The following KIF5C variants were observed in gnomAD, a reference collection of about 807,000 sequenced individuals.
KIF5C encodes kinesin family member 5C, also known as kinesin heavy chain isoform 5C.
Under a neutral mutation model 125.2 loss-of-function variants are expected in KIF5C, and 18 were observed. The ratio of observed to expected loss-of-function variants is 0.14; its 90% CI spans 0.10 to 0.21. KIF5C has a LOEUF of 0.21. Among genes scored for constraint, KIF5C ranks in the 10% least tolerant of loss-of-function variants. The pLI, the probability that KIF5C is intolerant of heterozygous loss-of-function variation, is 1.00. For synonymous variants in KIF5C, 405 were observed against 434.0 expected, an observed-to-expected ratio of 0.93 and a Z score of 0.83; for missense variants, 780 against 1,183.8, an observed-to-expected ratio of 0.66 and a Z score of 5.01.
Position 148,875,575 on chromosome 2 carries a change from G to GCCCCCCCCCCATCCCCCTGCCC in KIF5C, c.-37_-36insCCCCATCCCCCTGCCCCCCCCC. On this transcript the variant is annotated 5_prime_UTR_variant, in exon 1 of 26. Coordinates refer to ENST00000435030, the MANE Select transcript of KIF5C (RefSeq NM_004522.3). ...TCCTCCCTCGTCGTTCCCGGCCCCG[G>GCCCCCCCCCCATCCCCCTGCCC]CCCCCCACCCATCCCCGTGCCCCCT... 1.4e-6 allele frequency: 1 copy of GCCCCCCCCCCATCCCCCTGCCC among 699,606 alleles called. No homozygotes were observed. The highest frequency in any genetic ancestry group is 2.2e-5 in the Admixed American group (1 of 46,070). 43.3% of individuals were successfully genotyped at this position (699,606 alleles called of 1,614,324 possible).
At chr2:148,898,107 G>A (rs150971699) in intron 1 of KIF5C, among the ~76,000 whole-genome samples, 114 of 152,088 alleles carry the variant, frequency 7.5e-4, no homozygotes, top group African/African-American at 2.7e-3. Context: ...GTAGATCACT[G>A]TGGGAAGTCC....
At chr2:148,888,038 C>A (rs1353383170) in intron 1 of KIF5C, among the ~76,000 whole-genome samples, 2 of 152,202 alleles carry the variant, frequency 1.3e-5, no homozygotes, top group African/African-American at 2.4e-5. Flanking sequence ...AAGCCATTTG[C>A]GGCAGCGGGT....
At chr2:148,962,813 T>C (rs1330405430) in intron 11 of KIF5C, among the ~76,000 whole-genome samples, 1 of 152,206 alleles carries the variant, frequency 6.6e-6, no homozygotes, top group African/African-American at 2.4e-5. Flanking sequence ...AAATGAAAAA[T>C]GTCATTCTCT....
intron 11 of KIF5C, among the ~76,000 whole-genome samples, chr2:148,964,024 CCAG>C (rs1230162088): frequency 6.6e-6 from 1 of 152,122 alleles, no homozygotes; most frequent in African/African-American, 2.4e-5. Context: ...CTGTTTTCTC[CCAG>C]CTCTTTGGGT....
rs1682626906 is a variant in KIF5C at position 149,024,451 on chromosome 2, A to G, written c.*1381A>G. On this transcript the variant is annotated 3_prime_UTR_variant, in exon 26 of 26. Coordinates refer to ENST00000435030, the MANE Select transcript of KIF5C (RefSeq NM_004522.3). ...GTGCCCTGAAGCTTTCACCACTGTAATGAAATATATGCCAGGGGAGACTTT... is the reference window on the plus strand; with the variant it reads ...GTGCCCTGAAGCTTTCACCACTGTAGTGAAATATATGCCAGGGGAGACTTT... 1 of 151,756 alleles carries G rather than the reference A, an allele frequency of 6.6e-6. No individual in the cohort carries two copies. The highest frequency in any genetic ancestry group is 2.4e-5 in the African/African-American group (1 of 41,144). The allele number at this position is 151,756 out of a possible 1,614,324, so 9.4% of individuals were successfully genotyped here. A position where few individuals can be genotyped will look rare whatever the true frequency, so the allele number is the denominator to read the frequency against.
chr2:148,978,866 G>C (rs1681151569), intron 12 of KIF5C, 56 bp from the exon 13 acceptor site: 1 of 1,536,626 alleles, frequency 6.5e-7, no homozygotes, highest in Non-Finnish European at 8.8e-7. Flanking sequence ...CTGGGAGACT[G>C]GGATATCAAA....
intron 13 of KIF5C, among the ~76,000 whole-genome samples, chr2:148,980,694 A>C (rs1033186542): frequency 5.0e-5 from 7 of 139,856 alleles, no homozygotes; most frequent in Admixed American, 1.4e-4. Flanking sequence ...TTATTTATTT[A>C]TTTATTTATT....
chr2:148,970,506 G>A (rs928486180), intron 11 of KIF5C, among the ~76,000 whole-genome samples: 1 of 152,214 alleles, frequency 6.6e-6, no homozygotes, highest in African/African-American at 2.4e-5. Flanking sequence ...ATGGGCTTGT[G>A]ATTAATGAGA....
At chr2:148,926,921 T>C (rs1682024025) in intron 2 of KIF5C, among the ~76,000 whole-genome samples, 1 of 152,150 alleles carries the variant, frequency 6.6e-6, no homozygotes, top group African/African-American at 2.4e-5. Context: ...AGGGCCGTGA[T>C]TGTAAATACT....
chr2:148,901,926 A>G (rs1368116004), intron 1 of KIF5C, among the ~76,000 whole-genome samples: 3 of 152,234 alleles, frequency 2.0e-5, no homozygotes, highest in Admixed American at 2.0e-4. Context: ...TGCAGAGGCC[A>G]GAACACTGGA....
intron 21 of KIF5C, among the ~76,000 whole-genome samples, chr2:149,003,735 G>T (rs1010037185): frequency 9.2e-5 from 14 of 152,202 alleles, no homozygotes; most frequent in African/African-American, 3.1e-4. Context: ...ACTGTTTATT[G>T]TTGAATCTCC....
chr2:148,930,924 C>T (rs897375827), intron 3 of KIF5C, among the ~76,000 whole-genome samples: 1 of 152,154 alleles, frequency 6.6e-6, no homozygotes, highest in African/African-American at 2.4e-5. Flanking sequence ...GGCCCCTCGC[C>T]TTTCCCTCTC....
At chr2:148,952,832 C>T (rs540361328) in intron 10 of KIF5C, among the ~76,000 whole-genome samples, 53 of 152,276 alleles carry the variant, frequency 3.5e-4, no homozygotes, top group African/African-American at 1.3e-3. Context: ...GGCAGGCTAT[C>T]GGTGATTGCA....
At position 149,024,662 on chromosome 2, in the gene KIF5C, A is replaced by G. The variant is rs1682639458; in HGVS notation, c.*1592A>G. ...CTGCTTTGACTTAATTTATTTGTTA[A>G]ATGTTGCACTTTGTTTATGTATGTT... On this transcript the variant is annotated 3_prime_UTR_variant, in exon 26 of 26. Coordinates refer to ENST00000435030, the MANE Select transcript of KIF5C (RefSeq NM_004522.3). The G allele has an allele frequency of 6.6e-6, 1 of 152,378 alleles. No individual in the cohort carries two copies. The highest frequency in any genetic ancestry group is 2.4e-5 in the African/African-American group (1 of 41,348). The allele number at this position is 152,378 out of a possible 1,614,324, so 9.4% of individuals were successfully genotyped here. A position where few individuals can be genotyped will look rare whatever the true frequency, so the allele number is the denominator to read the frequency against.
At position 149,005,545 on chromosome 2, in the gene KIF5C, T is replaced by TG; in HGVS notation, c.2445+82dup. ...AATCATTTTCAGTTGAAATATCACT[T>TG]GCTTAAGTCGGGGCTGGTTATGCTT... On this transcript the variant is annotated intron_variant, in intron 22 of 25. Coordinates refer to ENST00000435030, the MANE Select transcript of KIF5C (RefSeq NM_004522.3). The TG allele has an allele frequency of 3.8e-6, 6 of 1,563,192 alleles. 1 individual carries two copies. In the South Asian group the frequency reaches 7.0e-5, roughly 18 times the overall value.
intron 16 of KIF5C, among the ~76,000 whole-genome samples, chr2:148,993,917 GTGGTGGGGTGGTGA>G (rs1681596417): frequency 6.6e-6 from 1 of 152,158 alleles, no homozygotes; most frequent in Non-Finnish European, 1.5e-5. Flanking sequence ...TGTGTGGCAT[GTGGTGGGGTGGTGA>G]TGGTGGGGAG....
intron 18 of KIF5C, chr2:148,997,819 T>C (rs1222853032): frequency 6.1e-6 from 1 of 163,762 alleles, no homozygotes. Flanking sequence ...GGATTTTGAT[T>C]AGTTGTAGGC....
chr2:148,916,666 C>T (rs1237831462), intron 1 of KIF5C, among the ~76,000 whole-genome samples: 1 of 151,848 alleles, frequency 6.6e-6, no homozygotes, highest in Admixed American at 6.6e-5. Flanking sequence ...CAGAATGACA[C>T]TGACCACATC....
Position 148,949,833 on chromosome 2 carries a change from T to G in KIF5C, c.715-6T>G. The G allele has an allele frequency of 6.2e-7, 1 of 1,613,512 alleles. No homozygotes were observed. Among genetic ancestry groups the G allele is most frequent in the South Asian group, 1.1e-5 (1 of 90,874 alleles). ...GCTGCTCACTGCTTTCTTTTCTCTC[T>G]GGTAGGTCAGCAAAACTGGTGCCGA... On this transcript the variant is annotated splice_region_variant and splice_polypyrimidine_tract_variant and intron_variant, in intron 8 of 25. Transcript: ENST00000435030.
Sources: allele counts gnomAD v4.1 joint callset (sites outside exome capture counted in the v4.1 genomes callset), GRCh38; gene constraint gnomAD v4.1.1; transcripts MANE v1.5; gene names NCBI Gene and HGNC (gene_info 2026-07-23, HGNC 2026-07-21).